Variants in DCPH1 observed in about 807,000 individuals in gnomAD.
The protein encoded by DCPH1 is damage-control phosphatase 1.
the DCPH1 span, chr6:151,454,719 G>T: frequency 1.3e-6 from 1 of 771,054 alleles, no homozygotes; most frequent in South Asian, 1.7e-5. Flanking sequence ...AATAGTTCTT[G>T]AAGGTATCAA....
the DCPH1 span, among the ~76,000 whole-genome samples, chr6:151,465,011 A>G: frequency 1.3e-5 from 2 of 152,194 alleles, no homozygotes; most frequent in African/African-American, 4.8e-5. Flanking sequence ...TCTGGGCCTC[A>G]GTTTCCTCCT....
the DCPH1 span, among the ~76,000 whole-genome samples, chr6:151,460,612 C>T: frequency 1.3e-4 from 20 of 151,626 alleles, no homozygotes; most frequent in Middle Eastern, 3.4e-3. Context: ...GCTGAAACCC[C>T]GTCTCTACTA....
At chr6:151,461,619 C>T in the DCPH1 span, among the ~76,000 whole-genome samples, 3 of 152,128 alleles carry the variant, frequency 2.0e-5, no homozygotes, top group South Asian at 6.2e-4. Flanking sequence ...TGCAGTGAGC[C>T]GAGATTGTGC....
the DCPH1 span, chr6:151,454,612 T>G: frequency 6.3e-7 from 1 of 1,581,162 alleles, no homozygotes. Context: ...TATTGATACA[T>G]TGCATCGACA....
chr6:151,468,882 T>C, the DCPH1 span: 38 of 1,613,630 alleles, frequency 2.4e-5, no homozygotes, highest in Non-Finnish European at 3.1e-5. Flanking sequence ...TATTCAAGGG[T>C]GATTTGAATT....
At chr6:151,462,994 T>G in the DCPH1 span, among the ~76,000 whole-genome samples, 12 of 152,354 alleles carry the variant, frequency 7.9e-5, 1 homozygote, top group South Asian at 2.5e-3. Context: ...GAATGCAACC[T>G]TAAATAATAT....
At chr6:151,464,031 A>T in the DCPH1 span, among the ~76,000 whole-genome samples, 2 of 152,180 alleles carry the variant, frequency 1.3e-5, no homozygotes, top group African/African-American at 4.8e-5. Context: ...TCTGTTAATG[A>T]TTGCTGCATT....
the DCPH1 span, chr6:151,469,194 C>A: frequency 1.7e-6 from 2 of 1,197,586 alleles, no homozygotes; most frequent in African/African-American, 3.1e-5. Flanking sequence ...AATTGAGTCG[C>A]CTGGCGGCTC....
the DCPH1 span, chr6:151,469,819 A>G: frequency 2.6e-5 from 4 of 152,376 alleles, no homozygotes; most frequent in Non-Finnish European, 5.9e-5. Flanking sequence ...TATGATATCC[A>G]TAATCAAATG....
the DCPH1 span, chr6:151,469,225 T>C: frequency 1.2e-6 from 1 of 833,886 alleles, no homozygotes; most frequent in Non-Finnish European, 1.8e-6. Flanking sequence ...CAGGGAAGCT[T>C]AGCTTCTTGG....
At chr6:151,464,914 A>G in the DCPH1 span, among the ~76,000 whole-genome samples, 24 of 152,318 alleles carry the variant, frequency 1.6e-4, no homozygotes, top group East Asian at 3.5e-3. Flanking sequence ...AGAATTCTTA[A>G]TAGTAATTTG....
the DCPH1 span, among the ~76,000 whole-genome samples, chr6:151,467,520 A>G: frequency 1.1e-4 from 17 of 152,088 alleles, no homozygotes; most frequent in Admixed American, 1.3e-4. Flanking sequence ...TTGGTACATT[A>G]TTTACATGCA....
the DCPH1 span, among the ~76,000 whole-genome samples, chr6:151,462,607 G>A: frequency 1.3e-5 from 2 of 152,108 alleles, no homozygotes; most frequent in East Asian, 1.9e-4. Context: ...TTTTCAGTTT[G>A]GAGTTGTTAG....
the DCPH1 span, among the ~76,000 whole-genome samples, chr6:151,461,484 A>AGAG: frequency 6.6e-6 from 1 of 152,218 alleles, no homozygotes; most frequent in Non-Finnish European, 1.5e-5. Flanking sequence ...CAGCCTGGCC[A>AGAG]ACATGGTGAA....
At chr6:151,468,629 G>A in the DCPH1 span, 1 of 1,614,016 alleles carries the variant, frequency 6.2e-7, no homozygotes, top group Admixed American at 1.7e-5. Flanking sequence ...CATTTTTATG[G>A]AAAAACAATT....
the DCPH1 span, chr6:151,452,603 T>G: frequency 6.3e-7 from 1 of 1,599,890 alleles, no homozygotes; most frequent in African/African-American, 1.4e-5. Flanking sequence ...CTAGCTTTTC[T>G]CCTCCCCACT....
the DCPH1 span, chr6:151,469,286 T>C: frequency 1.9e-6 from 1 of 519,148 alleles, no homozygotes; most frequent in Non-Finnish European, 3.3e-6. Context: ...TTTGCCCCAC[T>C]ACACTGTTTT....
At chr6:151,458,420 G>T in the DCPH1 span, 3 of 1,613,570 alleles carry the variant, frequency 1.9e-6, no homozygotes, top group Non-Finnish European at 1.7e-6. Context: ...CCTTGGTTGA[G>T]AAATTTGTTG....
the DCPH1 span, among the ~76,000 whole-genome samples, chr6:151,454,845 A>G: frequency 2.6e-5 from 4 of 152,252 alleles, no homozygotes; most frequent in Non-Finnish European, 5.9e-5. Flanking sequence ...ATTGTGTTCC[A>G]ATAATTAATT....
Sources: gnomAD v4.1 joint callset for allele counts (sites outside exome capture counted in the v4.1 genomes callset) on GRCh38, gnomAD v4.1.1 for gene constraint, MANE v1.5 for transcripts, NCBI Gene and HGNC (gene_info 2026-07-23, HGNC 2026-07-21) for gene names.